AOPEP: variants seen among roughly 807,000 people sequenced by gnomAD.
AOPEP encodes aminopeptidase O.
In AOPEP, 77 loss-of-function variants were observed where a neutral mutation model predicts 98.1. That is an observed-to-expected ratio of 0.78 (90% CI 0.65 to 0.95). The LOEUF is 0.95. Ranked by LOEUF, AOPEP falls within the 40% of genes least tolerant of loss-of-function variation. AOPEP has a pLI of 0.00. For missense variants in AOPEP, 1,024 were observed against 1,024.7 expected (o/e 1.00, Z 0.01); for synonymous variants, 346 against 365.3 (o/e 0.95, Z 0.60).
At chr9:94,948,254 ATAAT>A (rs758799019) in intron 7 of AOPEP, among the ~76,000 whole-genome samples, 1 of 151,874 alleles carries the variant, frequency 6.6e-6, no homozygotes, top group Non-Finnish European at 1.5e-5. Context: ...GTTATAGCAA[ATAAT>A]TAATCAACAC....
chr9:94,971,026 T>G (rs1199329037), intron 10 of AOPEP, among the ~76,000 whole-genome samples: 3 of 152,198 alleles, frequency 2.0e-5, no homozygotes, highest in African/African-American at 7.2e-5. Context: ...ATAAAGTGCA[T>G]TTTTAGTTTT....
the AOPEP span, among the ~76,000 whole-genome samples, chr9:95,124,360 G>A: frequency 6.6e-6 from 1 of 152,290 alleles, no homozygotes; most frequent in Non-Finnish European, 1.5e-5. Context: ...AAATATATAT[G>A]CTGAAAGGTG....
At chr9:94,733,105 C>CT (rs537104658) in intron 1 of AOPEP, among the ~76,000 whole-genome samples, 19,928 of 128,642 alleles carry the variant, frequency 0.15, 1,850 homozygotes, top group South Asian at 0.2. Context: ...TTTTCTTTCT[C>CT]TTTTTTTTTT....
the AOPEP span, among the ~76,000 whole-genome samples, chr9:95,124,757 T>A: frequency 1.3e-5 from 2 of 152,206 alleles, no homozygotes; most frequent in Admixed American, 1.3e-4. Context: ...GAGGCTCAGA[T>A]GCAGCCAGGG....
intron 5 of AOPEP, among the ~76,000 whole-genome samples, chr9:94,831,382 C>A (rs1422203716): frequency 6.6e-6 from 1 of 152,080 alleles, no homozygotes; most frequent in African/African-American, 2.4e-5. Context: ...GGTCTTATTT[C>A]CGAGTTATCT....
At chr9:94,981,333 C>A (rs117725243) in intron 11 of AOPEP, among the ~76,000 whole-genome samples, 2,239 of 152,254 alleles carry the variant, frequency 0.015, 29 homozygotes, top group Middle Eastern at 0.078. Flanking sequence ...ATAGTGTAGA[C>A]AAGAATCTCT....
intron 2 of AOPEP, among the ~76,000 whole-genome samples, chr9:94,768,604 G>C (rs456276): frequency 0.04 from 6,081 of 152,288 alleles, 161 homozygotes; most frequent in Admixed American, 0.072. Flanking sequence ...TTGTTATTCT[G>C]ACAAGTTCTT....
At position 95,013,621 on chromosome 9, in the gene AOPEP, T is replaced by C. The variant is rs76913390; in HGVS notation, c.2115+8005T>C. On this transcript the variant is annotated intron_variant, in intron 13 of 16. Transcript: ENST00000375315. ...TTAATGTTCATCATCTGCTTTTAGA[T>C]TGATGTCTTTTCAGTCAATTCTGAA... Among the ~76,000 whole-genome samples the C allele has an allele frequency of 6.5e-3, 995 of 152,324 alleles. 7 individuals carry two copies. Among genetic ancestry groups the C allele is most frequent in the African/African-American group, 0.023 (942 of 41,562 alleles).
In AOPEP at chr9:94,798,553, C is replaced by T. The variant is rs565788670; in HGVS notation, c.1119-2204C>T. ...TTGGCAGCAGGAAATAATCTTTTCC[C>T]ATGTTATATTTAGAGAGACCATTAG... On this transcript the variant is annotated intron_variant, in intron 4 of 16. Transcript: ENST00000375315. Among the ~76,000 whole-genome samples, 3 of 152,154 alleles carry T rather than the reference C, an allele frequency of 2.0e-5. No homozygotes were observed. In the South Asian group the frequency reaches 6.2e-4, roughly 32 times the overall value.
At chr9:95,125,620 T>G in the AOPEP span, among the ~76,000 whole-genome samples, 1 of 152,226 alleles carries the variant, frequency 6.6e-6, no homozygotes, top group African/African-American at 2.4e-5. Context: ...TGCATTATTG[T>G]ACAATTAATT....
Position 94,932,725 on chromosome 9 carries a change from C to G in AOPEP, c.1661+4194C>G, listed in dbSNP as rs966425027. 42 of 814,690 alleles carry G rather than the reference C, an allele frequency of 5.2e-5. 1 individual carries two copies. The highest frequency in any genetic ancestry group is 6.1e-4 in the Middle Eastern group (1 of 1,628). The allele number at this position is 814,690 out of a possible 1,614,324, so 50.5% of individuals were successfully genotyped here. A position where few individuals can be genotyped will look rare whatever the true frequency, so the allele number is the denominator to read the frequency against. ...TCTCAAACTCCTAACCTCAAGTGAT[C>G]TGCCTGCTTCGGCCTCCCAAAGTGC... On this transcript the variant is annotated intron_variant, in intron 7 of 16. Coordinates refer to ENST00000375315, the MANE Select transcript of AOPEP (RefSeq NM_001193329.3).
intron 14 of AOPEP, among the ~76,000 whole-genome samples, chr9:95,066,588 T>G (rs1402307607): frequency 6.6e-6 from 1 of 152,170 alleles, no homozygotes; most frequent in Non-Finnish European, 1.5e-5. Context: ...AAGCCACTGG[T>G]TGCAGAGTGT....
At chr9:94,937,400 C>T (rs182092834) in intron 7 of AOPEP, among the ~76,000 whole-genome samples, 220 of 152,334 alleles carry the variant, frequency 1.4e-3, no homozygotes, top group Non-Finnish European at 1.9e-3. Flanking sequence ...TTAATCTGCT[C>T]TTCCTAAAGG....
chr9:95,018,257 T>G (rs1343224491), intron 13 of AOPEP, among the ~76,000 whole-genome samples: 1 of 152,224 alleles, frequency 6.6e-6, no homozygotes, highest in Non-Finnish European at 1.5e-5. Context: ...ACCAGCAGTG[T>G]TTAAGGTTTT....
At chr9:95,098,649 TGGAGGAGGGG>T in the AOPEP span, among the ~76,000 whole-genome samples, 2 of 152,136 alleles carry the variant, frequency 1.3e-5, no homozygotes, top group African/African-American at 4.8e-5. Flanking sequence ...CCTGTGGGGC[TGGAGGAGGGG>T]ACAGCAGCCT....
At chr9:94,794,994 A>G (rs1033092911) in intron 4 of AOPEP, among the ~76,000 whole-genome samples, 1 of 152,198 alleles carries the variant, frequency 6.6e-6, no homozygotes, top group African/African-American at 2.4e-5. Flanking sequence ...TCCTGAATTG[A>G]TACAGTAGCC....
At chr9:95,119,625 A>G in the AOPEP span, among the ~76,000 whole-genome samples, 2 of 152,098 alleles carry the variant, frequency 1.3e-5, no homozygotes, top group South Asian at 4.1e-4. Context: ...CAGCCTTGCA[A>G]AGTGCTAGGA....
chr9:95,032,274 G>A (rs1383138246), intron 13 of AOPEP, among the ~76,000 whole-genome samples: 1 of 152,196 alleles, frequency 6.6e-6, no homozygotes, highest in East Asian at 1.9e-4. Context: ...CTTGAGTGCT[G>A]TGGCCAGCCA....
At chr9:95,053,766 C>T (rs910482709) in intron 13 of AOPEP, among the ~76,000 whole-genome samples, 1 of 152,108 alleles carries the variant, frequency 6.6e-6, no homozygotes, top group African/African-American at 2.4e-5. Flanking sequence ...GTTGCCCAGG[C>T]TGAAGTCTAC....
Sources: gnomAD v4.1 joint callset for allele counts (sites outside exome capture counted in the v4.1 genomes callset) on GRCh38, gnomAD v4.1.1 for gene constraint, MANE v1.5 for transcripts, NCBI Gene and HGNC (gene_info 2026-07-23, HGNC 2026-07-21) for gene names.